The following LUZP2 variants were observed in gnomAD, a reference collection of about 807,000 sequenced individuals.
LUZP2 encodes leucine zipper protein 2.
LUZP2 carries 52 observed loss-of-function variants against 51.6 expected under a neutral mutation model. The ratio of observed to expected loss-of-function variants is 1.01; its 90% CI spans 0.81 to 1.27. The LOEUF is 1.27. Among genes scored for constraint, LUZP2 ranks in the 50% most tolerant of loss-of-function variants. LUZP2 has a pLI of 0.00. For synonymous variants in LUZP2, 154 were observed against 137.3 expected, an observed-to-expected ratio of 1.12 and a Z score of -0.85; for missense variants, 436 against 395.4, an observed-to-expected ratio of 1.10 and a Z score of -0.87.
chr11:24,930,550 C>A (rs1034923418), intron 7 of LUZP2, among the ~76,000 whole-genome samples: 1 of 152,162 alleles, frequency 6.6e-6, no homozygotes, highest in African/African-American at 2.4e-5. Context: ...AAGATAGGAA[C>A]CCCAATCCCT....
chr11:24,987,864 C>T (rs1481400901), intron 9 of LUZP2, among the ~76,000 whole-genome samples: 1 of 151,850 alleles, frequency 6.6e-6, no homozygotes, highest in African/African-American at 2.4e-5. Flanking sequence ...GGTTCTGAGC[C>T]TAGGCGGCAT....
chr11:24,753,732 C>A (rs948454366), intron 4 of LUZP2, among the ~76,000 whole-genome samples: 1 of 152,160 alleles, frequency 6.6e-6, no homozygotes, highest in Non-Finnish European at 1.5e-5. Context: ...CTCTTGCAGA[C>A]TATTTTACCC....
intron 5 of LUZP2, among the ~76,000 whole-genome samples, chr11:24,822,333 G>A (rs950914176): frequency 6.6e-6 from 1 of 152,080 alleles, no homozygotes; most frequent in Non-Finnish European, 1.5e-5. Context: ...AGCCTTCTGA[G>A]CACCAGACAT....
intron 1 of LUZP2, among the ~76,000 whole-genome samples, chr11:24,534,379 A>T (rs1851105451): frequency 6.6e-6 from 1 of 151,348 alleles, no homozygotes; most frequent in African/African-American, 2.4e-5. Context: ...ATAGAAGATG[A>T]CATATACATT....
intron 10 of LUZP2, among the ~76,000 whole-genome samples, chr11:25,066,686 T>C (rs1859004844): frequency 6.6e-6 from 1 of 151,888 alleles, no homozygotes; most frequent in Admixed American, 6.6e-5. Flanking sequence ...ATAAAATCCA[T>C]TTTAGGAAGA....
In LUZP2 at chr11:25,066,752, A is replaced by G. The variant is rs369371115; in HGVS notation, c.859-10577A>G. ...AGAAAGGTGACGTTAGAGAGAGTTA[A>G]AAGTTTAATTCAACAATCCAGAGAT... On this transcript the variant is annotated intron_variant, in intron 10 of 11. Coordinates refer to ENST00000336930, the MANE Select transcript of LUZP2 (RefSeq NM_001009909.4). Among the ~76,000 whole-genome samples, 46 of 152,066 alleles carry G rather than the reference A, an allele frequency of 3.0e-4. 1 individual carries two copies. In the East Asian group the frequency reaches 8.1e-3, roughly 27 times the overall value.
chr11:24,575,334 T>C (rs1852608154), intron 1 of LUZP2, among the ~76,000 whole-genome samples: 1 of 152,184 alleles, frequency 6.6e-6, no homozygotes, highest in South Asian at 2.1e-4. Flanking sequence ...TTATTGTTTC[T>C]TTTCCTATAT....
chr11:24,825,725 G>A (rs575935922), intron 5 of LUZP2, among the ~76,000 whole-genome samples: 8 of 138,678 alleles, frequency 5.8e-5, no homozygotes, highest in East Asian at 2.6e-4. Context: ...TACTTATTTC[G>A]ACAGAAATCC....
intron 5 of LUZP2, among the ~76,000 whole-genome samples, chr11:24,769,259 A>T (rs1000474938): frequency 6.6e-6 from 1 of 152,166 alleles, no homozygotes; most frequent in Admixed American, 6.5e-5. Flanking sequence ...AGATGGAAGA[A>T]GTTTTGTCAA....
intron 5 of LUZP2, among the ~76,000 whole-genome samples, chr11:24,864,640 C>T (rs1193076297): frequency 6.6e-6 from 1 of 152,124 alleles, no homozygotes; most frequent in Non-Finnish European, 1.5e-5. Context: ...CTTTTACATT[C>T]CATGTTAGTG....
At chr11:24,583,706 C>CTT (rs34143667) in intron 1 of LUZP2, among the ~76,000 whole-genome samples, 53 of 141,330 alleles carry the variant, frequency 3.8e-4, no homozygotes, top group Non-Finnish European at 4.8e-4. Flanking sequence ...GTATACCTTA[C>CTT]TTTTTTTTTT....
chr11:24,826,226 G>A (rs1221270975), intron 5 of LUZP2, among the ~76,000 whole-genome samples: 1 of 140,894 alleles, frequency 7.1e-6, no homozygotes, highest in Non-Finnish European at 1.5e-5. Flanking sequence ...GTTAATTTCA[G>A]GGAACAGTTT....
intron 7 of LUZP2, among the ~76,000 whole-genome samples, chr11:24,920,340 A>G (rs940038030): frequency 5.3e-5 from 8 of 152,022 alleles, no homozygotes; most frequent in Non-Finnish European, 1.0e-4. Context: ...AAAATATACT[A>G]TAGTGATACA....
At chr11:24,526,260 G>A (rs1850798422) in intron 1 of LUZP2, among the ~76,000 whole-genome samples, 1 of 75,630 alleles carries the variant, frequency 1.3e-5, no homozygotes, top group Non-Finnish European at 2.7e-5. Flanking sequence ...CATGACACTA[G>A]GGGGCAAAAA....
At chr11:24,790,962 G>C (rs571036053) in intron 5 of LUZP2, among the ~76,000 whole-genome samples, 67 of 152,246 alleles carry the variant, frequency 4.4e-4, no homozygotes, top group African/African-American at 1.6e-3. Context: ...ATTGACCAAT[G>C]TATACTTTTC....
intron 1 of LUZP2, among the ~76,000 whole-genome samples, chr11:24,637,098 AATC>A (rs1476035022): frequency 6.6e-6 from 1 of 151,816 alleles, no homozygotes; most frequent in Non-Finnish European, 1.5e-5. Flanking sequence ...AAATCTTAAA[AATC>A]TATAAAACAA....
chr11:24,869,412 C>G (rs1459150664), intron 5 of LUZP2, among the ~76,000 whole-genome samples: 1 of 152,108 alleles, frequency 6.6e-6, no homozygotes, highest in Non-Finnish European at 1.5e-5. Context: ...CCCTGTGTCA[C>G]ATTCTGGGAA....
rs143182481 is a variant in LUZP2 at position 24,716,185 on chromosome 11, A to G, written c.63-12984A>G. Among the ~76,000 whole-genome samples, 92 of 152,314 alleles carry G rather than the reference A, an allele frequency of 6.0e-4. 1 individual carries two copies. The highest frequency in any genetic ancestry group is 2.0e-3 in the African/African-American group (85 of 41,568). Reference sequence around the variant, plus strand: ...ATTTAAAAGTAGGCAGAAATGTTGAAGACAGGCTGAATGGAAGTTTGTGTT... The same window carrying G: ...ATTTAAAAGTAGGCAGAAATGTTGAGGACAGGCTGAATGGAAGTTTGTGTT... On this transcript the variant is annotated intron_variant, in intron 1 of 11. Coordinates refer to ENST00000336930, the MANE Select transcript of LUZP2 (RefSeq NM_001009909.4).
Position 24,664,262 on chromosome 11 carries a change from T to A in LUZP2, c.63-64907T>A, listed in dbSNP as rs1453914805. ...TTTAGCAAAGAGACTGGCAGCACTT[T>A]GCCCCTGCCCTAGAGATCTTTAGAA... is the stretch of plus-strand genomic sequence containing the variant. On this transcript the variant is annotated intron_variant, in intron 1 of 11. Coordinates refer to ENST00000336930, the MANE Select transcript of LUZP2 (RefSeq NM_001009909.4). Among the ~76,000 whole-genome samples, 10 of 152,290 alleles carry A rather than the reference T, an allele frequency of 6.6e-5. No homozygotes were observed. In the East Asian group the frequency reaches 1.9e-3, roughly 29 times the overall value.
Sources: allele counts gnomAD v4.1 joint callset (sites outside exome capture counted in the v4.1 genomes callset), GRCh38; gene constraint gnomAD v4.1.1; transcripts MANE v1.5; gene names NCBI Gene and HGNC (gene_info 2026-07-23, HGNC 2026-07-21).